GABRB1: variants seen among roughly 807,000 people sequenced by gnomAD.
The protein encoded by GABRB1 is gamma-aminobutyric acid receptor subunit beta-1.
Under a neutral mutation model 51.6 loss-of-function variants are expected in GABRB1, and 17 were observed. The observed-to-expected ratio is 0.33, with a 90% CI of 0.23 to 0.49. The LOEUF (loss-of-function observed/expected upper bound fraction) is 0.49, where lower values mean the gene tolerates loss of function less well. GABRB1 is among the 20% of genes least tolerant of loss of function. The pLI is 0.99. For missense variants in GABRB1, 410 were observed against 600.6 expected (o/e 0.68, Z 3.32); for synonymous variants, 247 against 218.9 (o/e 1.13, Z -1.14).
At chr4:47,107,855 G>T (rs1475093099) in intron 3 of GABRB1, among the ~76,000 whole-genome samples, 1 of 151,998 alleles carries the variant, frequency 6.6e-6, no homozygotes, top group Non-Finnish European at 1.5e-5. Flanking sequence ...CATATTTTAG[G>T]AGAGTAACTT....
chr4:47,407,131 T>G (rs1214879250), intron 8 of GABRB1, among the ~76,000 whole-genome samples: 1 of 152,224 alleles, frequency 6.6e-6, no homozygotes, highest in Non-Finnish European at 1.5e-5. Context: ...ACCCTGGAAC[T>G]CAACCCCAAG....
chr4:47,090,346 A>G (rs1728243087), intron 3 of GABRB1, among the ~76,000 whole-genome samples: 1 of 152,210 alleles, frequency 6.6e-6, no homozygotes, highest in African/African-American at 2.4e-5. Flanking sequence ...TTATACGAAG[A>G]CATTTTATAG....
chr4:47,017,167 C>A (rs1724776771), intron 1 of GABRB1, among the ~76,000 whole-genome samples: 1 of 152,148 alleles, frequency 6.6e-6, no homozygotes, highest in Admixed American at 6.5e-5. Context: ...GCGGCCTTCT[C>A]CATGTTTTAT....
upstream of GABRB1, among the ~76,000 whole-genome samples, chr4:47,029,569 C>T (rs180734614): frequency 1.3e-5 from 2 of 151,864 alleles, no homozygotes; most frequent in African/African-American, 2.4e-5. Flanking sequence ...ACATAGTTAT[C>T]GCAATAATCT....
At chr4:46,998,775 A>G (rs1021783803) in intron 1 of GABRB1, among the ~76,000 whole-genome samples, 2 of 151,426 alleles carry the variant, frequency 1.3e-5, no homozygotes, top group Non-Finnish European at 2.9e-5. Context: ...ATACAATTTA[A>G]GGGGATACAA....
chr4:47,376,192 A>AGACT (rs1042102945), intron 5 of GABRB1, among the ~76,000 whole-genome samples: 10 of 152,324 alleles, frequency 6.6e-5, no homozygotes, highest in African/African-American at 2.4e-4. Flanking sequence ...AGAGGACAGG[A>AGACT]GACTGTCAGA....
At chr4:47,317,675 G>A (rs1240979379) in intron 4 of GABRB1, among the ~76,000 whole-genome samples, 2 of 151,934 alleles carry the variant, frequency 1.3e-5, no homozygotes, top group African/African-American at 4.8e-5. Context: ...CAAAAGGTAT[G>A]TGAAAATGTT....
intron 3 of GABRB1, among the ~76,000 whole-genome samples, chr4:47,073,036 C>T (rs1163262487): frequency 6.6e-6 from 1 of 152,088 alleles, no homozygotes; most frequent in Non-Finnish European, 1.5e-5. Context: ...ATCAGAAAAC[C>T]TATTAAAACA....
chr4:47,161,812 C>T (rs912329713), intron 4 of GABRB1, among the ~76,000 whole-genome samples: 3 of 151,930 alleles, frequency 2.0e-5, no homozygotes, highest in African/African-American at 2.4e-5. Flanking sequence ...CTCATATATG[C>T]CTCAAATTTT....
chr4:47,425,375 T>TA (rs1729232596), intron 8 of GABRB1, among the ~76,000 whole-genome samples: 3 of 123,928 alleles, frequency 2.4e-5, no homozygotes, highest in South Asian at 2.9e-4. Flanking sequence ...CAAGAAGAAA[T>TA]ACCACACACA....
chr4:47,400,346 C>T (rs919589644), intron 5 of GABRB1, among the ~76,000 whole-genome samples: 1 of 152,170 alleles, frequency 6.6e-6, no homozygotes, highest in Non-Finnish European at 1.5e-5. Context: ...CTAGATGATA[C>T]CTAAATCTAG....
chr4:47,397,842 G>A (rs950302175), intron 5 of GABRB1, among the ~76,000 whole-genome samples: 3 of 152,026 alleles, frequency 2.0e-5, no homozygotes, highest in African/African-American at 7.3e-5. Flanking sequence ...CAAAGTGCTA[G>A]GATTACAGGT....
At chr4:47,278,921 C>T (rs1723178488) in intron 4 of GABRB1, among the ~76,000 whole-genome samples, 5 of 152,118 alleles carry the variant, frequency 3.3e-5, no homozygotes, top group Admixed American at 3.3e-4. Context: ...TTCTGAGGGT[C>T]AGTGCACAAG....
intron 1 of GABRB1, among the ~76,000 whole-genome samples, chr4:46,994,909 T>TTG (rs1383149903): frequency 6.6e-6 from 1 of 152,160 alleles, no homozygotes; most frequent in African/African-American, 2.4e-5. Flanking sequence ...TTTGGTTTTT[T>TTG]TGTGTGTTTT....
chr4:47,126,145 A>T (rs954899133), intron 3 of GABRB1, among the ~76,000 whole-genome samples: 5 of 152,098 alleles, frequency 3.3e-5, no homozygotes, highest in African/African-American at 1.2e-4. Flanking sequence ...AATAGCATGG[A>T]TGAACCTAGA....
chr4:47,024,494 G>A (rs544879794), intron 1 of GABRB1, among the ~76,000 whole-genome samples: 3 of 152,030 alleles, frequency 2.0e-5, no homozygotes, highest in South Asian at 2.1e-4. Context: ...AGTGACATGC[G>A]ACCGAAGAAA....
chr4:47,373,077 T>C (rs1163389909), intron 5 of GABRB1, among the ~76,000 whole-genome samples: 3 of 152,212 alleles, frequency 2.0e-5, no homozygotes, highest in Admixed American at 1.3e-4. Flanking sequence ...AAATCATCCC[T>C]GTGGGAATGA....
intron 3 of GABRB1, among the ~76,000 whole-genome samples, chr4:47,099,833 TA>T (rs5858053): frequency 6.6e-6 from 1 of 150,606 alleles, no homozygotes; most frequent in Non-Finnish European, 1.5e-5. Context: ...TAAAATCACT[TA>T]AAAAAAAACA....
chr4:46,994,700 G>C (rs1204697344), intron 1 of GABRB1, among the ~76,000 whole-genome samples: 1 of 152,048 alleles, frequency 6.6e-6, no homozygotes, highest in African/African-American at 2.4e-5. Flanking sequence ...TTAATTATTG[G>C]CTCCAAGGGG....
Sources: gnomAD v4.1 joint callset for allele counts (sites outside exome capture counted in the v4.1 genomes callset) on GRCh38, gnomAD v4.1.1 for gene constraint, MANE v1.5 for transcripts, NCBI Gene and HGNC (gene_info 2026-07-23, HGNC 2026-07-21) for gene names.